Variants in CCNYL1 observed in about 807,000 individuals in gnomAD.
CCNYL1 encodes the protein cyclin Y like 1, also known as cyclin-Y-like protein 1.
CCNYL1 carries 16 observed loss-of-function variants against 44.2 expected under a neutral mutation model. The ratio of observed to expected loss-of-function variants is 0.36; its 90% confidence interval spans 0.25 to 0.55. The LOEUF is 0.55. CCNYL1 is among the 20% of genes least tolerant of loss of function. The pLI is 0.85. For synonymous variants in CCNYL1, 159 were observed against 163.2 expected (o/e 0.97, Z 0.20); for missense variants, 348 against 451.8 (o/e 0.77, Z 2.08).
In CCNYL1 at chr2:207,750,993, G is replaced by A; in HGVS notation, c.843G>A (p.Gln281=). The change falls in exon 9 of 10, where the codon CAG becomes CAA. Residue 281 remains glutamine, a synonymous_variant. Transcript: ENST00000295414. ...AAAGGCATTTTCTGGAGCTTCTTCA[G>A]TTTAATATTAATGTTCCTGCCAGTG... ...EMERHFLELL[Q]FNINVPASVY... The A allele has an allele frequency of 1.9e-6, 3 of 1,613,950 alleles. No individual in the cohort carries two copies. The highest frequency in any genetic ancestry group is 2.5e-6 in the Non-Finnish European group (3 of 1,179,896).
chr2:207,720,371 A>G (rs960678587), intron 1 of CCNYL1, among the ~76,000 whole-genome samples: 5 of 151,476 alleles, frequency 3.3e-5, no homozygotes, highest in African/African-American at 1.2e-4. Context: ...GAAAAATGAA[A>G]TGGAGGTACT....
intron 1 of CCNYL1, among the ~76,000 whole-genome samples, chr2:207,720,077 G>A (rs558903685): frequency 1.3e-5 from 2 of 151,322 alleles, no homozygotes; most frequent in South Asian, 4.2e-4. Flanking sequence ...AGTCCCAGCT[G>A]CCTGGGAGGC....
intron 5 of CCNYL1, 27 bp from the exon 6 acceptor site, chr2:207,740,628 T>C: frequency 6.8e-7 from 1 of 1,471,084 alleles, no homozygotes; most frequent in African/African-American, 1.4e-5. Context: ...TGAATTAACT[T>C]CTTCAATGCA....
intron 4 of CCNYL1, among the ~76,000 whole-genome samples, chr2:207,736,980 ATCTCGGCTCACT>A (rs1357660110): frequency 6.6e-6 from 1 of 150,930 alleles, no homozygotes; most frequent in Non-Finnish European, 1.5e-5. Flanking sequence ...CAGTGGCACG[ATCTCGGCTCACT>A]GCAAGCTCTG....
At chr2:207,725,195 C>T (rs958021710) in intron 2 of CCNYL1, among the ~76,000 whole-genome samples, 6 of 149,078 alleles carry the variant, frequency 4.0e-5, no homozygotes, top group African/African-American at 1.5e-4. Context: ...GATGTGGCCT[C>T]AGCTCACTGC....
At position 207,735,442 on chromosome 2, in the gene CCNYL1, A is replaced by G. The variant is rs2091757866; in HGVS notation, c.431+1395A>G. ...ATCTCTAGGCAGTCACAAGCCTTTTAGGAAAATGGAGAAGGCATGTGAGGC... is the reference window on the plus strand; with the variant it reads ...ATCTCTAGGCAGTCACAAGCCTTTTGGGAAAATGGAGAAGGCATGTGAGGC... On this transcript the variant is annotated intron_variant, in intron 4 of 9. Transcript: ENST00000295414. 3.3e-5 allele frequency among the ~76,000 whole-genome samples: 5 copies of G among 152,214 alleles called. No individual in the cohort carries two copies. The South Asian group carries it at 1.0e-3, about 32-fold the overall frequency.
chr2:207,740,584 C>G, intron 5 of CCNYL1, 71 bp from the exon 6 acceptor site: 2 of 1,047,814 alleles, frequency 1.9e-6, no homozygotes, highest in Admixed American at 1.8e-5. Context: ...CCCGCCACCC[C>G]CAGCAGACAT....
At chr2:207,729,493 G>A (rs2091708549) in intron 3 of CCNYL1, among the ~76,000 whole-genome samples, 2 of 151,966 alleles carry the variant, frequency 1.3e-5, no homozygotes, top group South Asian at 2.1e-4. Flanking sequence ...CTTCCCTCAC[G>A]TGTGATAGTC....
intron 2 of CCNYL1, 120 bp downstream of exon 2, chr2:207,724,994 A>G (rs1339963667): frequency 2.7e-5 from 19 of 704,622 alleles, no homozygotes; most frequent in Non-Finnish European, 4.2e-5. Flanking sequence ...TTCTTTTCAT[A>G]TGTTCACTGA....
intron 6 of CCNYL1, among the ~76,000 whole-genome samples, chr2:207,741,864 A>G (rs976807515): frequency 1.4e-5 from 2 of 147,082 alleles, no homozygotes; most frequent in African/African-American, 2.6e-5. Context: ...AAAAAAAAGT[A>G]CTTAGGCCGG....
chr2:207,722,573 T>C (rs1266416775), intron 1 of CCNYL1, among the ~76,000 whole-genome samples: 2 of 152,070 alleles, frequency 1.3e-5, no homozygotes, highest in South Asian at 2.1e-4. Flanking sequence ...ATTCATAATA[T>C]GGCTTCTTCT....
rs1342335589 is a variant in CCNYL1, at chr2:207,711,778, C to G, written c.-119C>G. ...CGGCGTCTGCTTGCGCGGTGCAGCC[C>G]CAGCGTAGCCCGGGGCTGCCGGTGC... On this transcript the variant is annotated 5_prime_UTR_variant, in exon 1 of 10. Coordinates refer to ENST00000295414, the MANE Select transcript of CCNYL1 (RefSeq NM_001330218.2). The G allele has an allele frequency of 1.6e-6, 1 of 610,258 alleles. No homozygotes were observed. The highest frequency in any genetic ancestry group is 2.5e-6 in the Non-Finnish European group (1 of 406,810). The allele number at this position is 610,258 out of a possible 1,614,324, so 37.8% of individuals were successfully genotyped here.
rs2091926818 is a variant in CCNYL1, at chr2:207,755,648, A to G, written c.*1950A>G. ...ACCCTAATTATAGAAGGTGATATGA[A>G]CAGCTGTTTTATCATCCTACATGCT... On this transcript the variant is annotated 3_prime_UTR_variant, in exon 10 of 10. Coordinates refer to ENST00000295414, the MANE Select transcript of CCNYL1 (RefSeq NM_001330218.2). 6.6e-6 allele frequency: 1 copy of G among 152,156 alleles called. No homozygotes were observed. The highest frequency in any genetic ancestry group is 6.6e-5 in the Admixed American group (1 of 15,264). The allele number at this position is 152,156 out of a possible 1,614,324, so 9.4% of individuals were successfully genotyped here. A position where few individuals can be genotyped will look rare whatever the true frequency, so the allele number is the denominator to read the frequency against.
rs1334945429 is a variant in CCNYL1 at position 207,711,844 on chromosome 2, C to T, written c.-53C>T. 1.6e-6 allele frequency: 2 copies of T among 1,250,314 alleles called. No individual in the cohort carries two copies. Among genetic ancestry groups the T allele is most frequent in the African/African-American group, 3.2e-5 (2 of 63,028 alleles). 77.5% of individuals were successfully genotyped at this position (1,250,314 alleles called of 1,614,324 possible). On this transcript the variant is annotated 5_prime_UTR_variant, in exon 1 of 10. Coordinates refer to ENST00000295414, the MANE Select transcript of CCNYL1 (RefSeq NM_001330218.2). ...TGGGGGAGGGGGCGGCTGTTGAGGG[C>T]GGCGGAGTAGGGGGCGAGCGAAGGC... is the stretch of plus-strand genomic sequence containing the variant.
At chr2:207,746,612 G>A (rs1443393836) in intron 7 of CCNYL1, among the ~76,000 whole-genome samples, 1 of 152,192 alleles carries the variant, frequency 6.6e-6, no homozygotes, top group African/African-American at 2.4e-5. Flanking sequence ...CAAAGTCTCT[G>A]TAGAACATAA....
chr2:207,736,990 A>G (rs1165188251), intron 4 of CCNYL1, among the ~76,000 whole-genome samples: 6 of 150,234 alleles, frequency 4.0e-5, no homozygotes, highest in Non-Finnish European at 7.4e-5. Context: ...ATCTCGGCTC[A>G]CTGCAAGCTC....
At chr2:207,727,449 C>T (rs756840212) in intron 3 of CCNYL1, among the ~76,000 whole-genome samples, 13 of 152,170 alleles carry the variant, frequency 8.5e-5, no homozygotes, top group Non-Finnish European at 1.2e-4. Flanking sequence ...CGTGTCTGCA[C>T]GTCTCTTCCT....
chr2:207,740,316 A>G (rs2091798454), intron 5 of CCNYL1, among the ~76,000 whole-genome samples: 1 of 152,216 alleles, frequency 6.6e-6, no homozygotes, highest in South Asian at 2.1e-4. Context: ...GCCCACCACT[A>G]CTGCTGTGTA....
intron 4 of CCNYL1, among the ~76,000 whole-genome samples, chr2:207,736,676 G>C (rs773194352): frequency 2.0e-5 from 3 of 152,148 alleles, no homozygotes; most frequent in Admixed American, 6.5e-5. Context: ...GGGAAATAAT[G>C]AAAGATGGGT....
Sources: allele counts gnomAD v4.1 joint callset (sites outside exome capture counted in the v4.1 genomes callset), GRCh38; gene constraint gnomAD v4.1.1; transcripts MANE v1.5; gene names NCBI Gene and HGNC (gene_info 2026-07-23, HGNC 2026-07-21).